The following CWC27 variants were observed in gnomAD, a reference collection of about 807,000 sequenced individuals.
The protein encoded by CWC27 is spliceosome-associated protein CWC27 homolog.
Under a neutral mutation model 63.6 loss-of-function variants are expected in CWC27, and 47 were observed. The observed-to-expected ratio is 0.74, with a 90% confidence interval of 0.58 to 0.94. The LOEUF is 0.94. CWC27 is among the 40% of genes least tolerant of loss of function. The probability of loss-of-function intolerance (pLI) is 0.00; values close to 1 mark genes in which losing one functional copy is unlikely to be tolerated. For missense variants in CWC27, 495 were observed against 554.3 expected, an observed-to-expected ratio of 0.89 and a Z score of 1.07; for synonymous variants, 175 against 179.8, an observed-to-expected ratio of 0.97 and a Z score of 0.22.
intron 10 of CWC27, among the ~76,000 whole-genome samples, chr5:64,880,670 T>A (rs1172360237): frequency 1.3e-5 from 2 of 151,906 alleles, no homozygotes; most frequent in Non-Finnish European, 2.9e-5. Context: ...GGTTTTTTTT[T>A]AAGAAATTCT....
rs560819677 is a variant in CWC27, at chr5:65,011,373, G to C, written c.1257-6786G>C. ...CCAGAAGAGGGTCTTAACCCTGGGGGAGAAACAGCAGGTCAGATCAGGAAA... is the reference window on the plus strand; with the variant it reads ...CCAGAAGAGGGTCTTAACCCTGGGGCAGAAACAGCAGGTCAGATCAGGAAA... On this transcript the variant is annotated intron_variant, in intron 13 of 13. Transcript: ENST00000381070. Among the ~76,000 whole-genome samples, 71 of 152,324 alleles carry C rather than the reference G, an allele frequency of 4.7e-4. 2 individuals carry two copies. The highest frequency in any genetic ancestry group is 1.6e-3 in the African/African-American group (66 of 41,568).
chr5:64,838,956 A>G (rs1170140750), intron 10 of CWC27, among the ~76,000 whole-genome samples: 2 of 152,234 alleles, frequency 1.3e-5, no homozygotes, highest in East Asian at 1.9e-4. Flanking sequence ...CAGTCATACT[A>G]TAAAAATTTG....
chr5:64,902,857 C>T (rs929715626), intron 11 of CWC27, among the ~76,000 whole-genome samples: 3 of 152,180 alleles, frequency 2.0e-5, no homozygotes, highest in African/African-American at 7.2e-5. Flanking sequence ...GAGTGTGTTA[C>T]ATCTTTCCAT....
chr5:64,926,077 C>T (rs1748104316), intron 11 of CWC27, among the ~76,000 whole-genome samples: 1 of 152,166 alleles, frequency 6.6e-6, no homozygotes, highest in Admixed American at 6.6e-5. Flanking sequence ...ATCAGACATA[C>T]ATTTTAAAAG....
intron 11 of CWC27, among the ~76,000 whole-genome samples, chr5:64,939,165 G>C (rs1401419377): frequency 6.6e-6 from 1 of 152,146 alleles, no homozygotes; most frequent in African/African-American, 2.4e-5. Context: ...GAGAAGTTGT[G>C]ATCCTTTGGA....
chr5:65,006,960 CAGAAAGAAAGAAAGAA>C (rs200204473), intron 13 of CWC27, among the ~76,000 whole-genome samples: 7,637 of 121,164 alleles, frequency 0.063, 374 homozygotes, highest in African/African-American at 0.13. Context: ...TTTAAAAAGA[CAGAAAGAAAGAAAGAA>C]AGAAAGAAAG....
intron 10 of CWC27, among the ~76,000 whole-genome samples, chr5:64,880,029 C>T (rs1281705983): frequency 1.3e-5 from 2 of 151,954 alleles, no homozygotes; most frequent in South Asian, 2.1e-4. Context: ...TGCTTGGATG[C>T]GTCTTCATTC....
At chr5:65,005,317 C>T (rs563039391) in intron 13 of CWC27, among the ~76,000 whole-genome samples, 11 of 152,144 alleles carry the variant, frequency 7.2e-5, no homozygotes, top group South Asian at 2.1e-4. Flanking sequence ...CAGGCACTGA[C>T]GGTGGCAGTG....
chr5:64,989,522 T>G (rs943588077), intron 13 of CWC27, among the ~76,000 whole-genome samples: 1 of 152,230 alleles, frequency 6.6e-6, no homozygotes, highest in African/African-American at 2.4e-5. Context: ...CTTGATATGG[T>G]TCACCAGAGA....
At chr5:64,873,370 A>G (rs1746723549) in intron 10 of CWC27, among the ~76,000 whole-genome samples, 1 of 152,082 alleles carries the variant, frequency 6.6e-6, no homozygotes, top group Non-Finnish European at 1.5e-5. Context: ...TAATAAAAAT[A>G]TTAAATATAA....
At chr5:64,979,050 T>C (rs1362460347) in intron 13 of CWC27, among the ~76,000 whole-genome samples, 1 of 152,252 alleles carries the variant, frequency 6.6e-6, no homozygotes, top group Admixed American at 6.5e-5. Flanking sequence ...ATACCAATGA[T>C]GTATTTTTAA....
intron 7 of CWC27, among the ~76,000 whole-genome samples, chr5:64,795,664 T>C (rs1744240366): frequency 6.6e-6 from 1 of 152,134 alleles, no homozygotes; most frequent in Non-Finnish European, 1.5e-5. Context: ...CCTCTTTCAC[T>C]TGTAAGGACT....
At chr5:64,864,531 A>G (rs1425690848) in intron 10 of CWC27, among the ~76,000 whole-genome samples, 1 of 152,192 alleles carries the variant, frequency 6.6e-6, no homozygotes, top group Admixed American at 6.5e-5. Context: ...CTCTGAATTT[A>G]TATTTTCTAA....
chr5:64,938,897 C>T (rs1467416348), intron 11 of CWC27, among the ~76,000 whole-genome samples: 1 of 152,124 alleles, frequency 6.6e-6, no homozygotes, highest in African/African-American at 2.4e-5. Context: ...TTGATCGGTT[C>T]TGCTATTGAT....
chr5:64,840,628 G>A (rs541148861), intron 10 of CWC27, among the ~76,000 whole-genome samples: 108 of 151,730 alleles, frequency 7.1e-4, no homozygotes, highest in Middle Eastern at 3.4e-3. Context: ...GTTACTGTTA[G>A]TTTACAGTAA....
intron 11 of CWC27, among the ~76,000 whole-genome samples, chr5:64,890,566 A>G (rs932675081): frequency 1.3e-5 from 2 of 151,924 alleles, no homozygotes; most frequent in Admixed American, 1.3e-4. Flanking sequence ...TTTTCTTGGA[A>G]CCCAGAAGTA....
chr5:64,833,750 C>T (rs1347881201), intron 10 of CWC27, among the ~76,000 whole-genome samples: 1 of 151,662 alleles, frequency 6.6e-6, no homozygotes, highest in South Asian at 2.1e-4. Context: ...TTTTGCCACA[C>T]AATGTAGGAG....
At position 64,841,176 on chromosome 5, in the gene CWC27, G is replaced by A. The variant is rs530514484; in HGVS notation, c.938+36790G>A. On this transcript the variant is annotated intron_variant, in intron 10 of 13. Coordinates refer to ENST00000381070, the MANE Select transcript of CWC27 (RefSeq NM_005869.4). ...CAAGACCATGGTGCTGGCATCTGACGAGAGCCTTTGTGCTTTGTTAGCCCA... is the reference window on the plus strand; with the variant it reads ...CAAGACCATGGTGCTGGCATCTGACAAGAGCCTTTGTGCTTTGTTAGCCCA... Among the ~76,000 whole-genome samples the A allele has an allele frequency of 1.6e-3, 241 of 152,310 alleles. 1 individual carries two copies. Among genetic ancestry groups the A allele is most frequent in the Non-Finnish European group, 2.5e-3 (172 of 68,024 alleles).
chr5:64,892,193 G>A (rs1747255106), intron 11 of CWC27, among the ~76,000 whole-genome samples: 1 of 152,106 alleles, frequency 6.6e-6, no homozygotes, highest in Non-Finnish European at 1.5e-5. Context: ...TTTCTGGCCT[G>A]GTGGTTGTAA....
Sources: allele counts gnomAD v4.1 joint callset (sites outside exome capture counted in the v4.1 genomes callset), GRCh38; gene constraint gnomAD v4.1.1; transcripts MANE v1.5; gene names NCBI Gene and HGNC (gene_info 2026-07-23, HGNC 2026-07-21).